LRMDA: variants seen among roughly 807,000 people sequenced by gnomAD.
The protein encoded by LRMDA is leucine rich melanocyte differentiation associated, also known as leucine-rich melanocyte differentiation-associated protein.
In LRMDA, 18 loss-of-function variants were observed where a neutral mutation model predicts 29.8. The observed-to-expected ratio is 0.60, with a 90% confidence interval of 0.42 to 0.90. LRMDA has a LOEUF of 0.90. Ranked by LOEUF, LRMDA falls within the 40% of genes least tolerant of loss-of-function variation. LRMDA has a pLI of 0.00. For synonymous variants in LRMDA, 125 were observed against 109.4 expected, an observed-to-expected ratio of 1.14 and a Z score of -0.89; for missense variants, 273 against 273.9, an observed-to-expected ratio of 1.00 and a Z score of 0.02.
chr10:76,217,062 T>G (rs1851741641), intron 5 of LRMDA, among the ~76,000 whole-genome samples: 1 of 152,188 alleles, frequency 6.6e-6, no homozygotes, highest in Admixed American at 6.5e-5. Context: ...AACAATTGCT[T>G]GTGAGGGGGC....
chr10:75,887,297 T>A (rs1845407260), intron 2 of LRMDA, among the ~76,000 whole-genome samples: 1 of 152,020 alleles, frequency 6.6e-6, no homozygotes, highest in South Asian at 2.1e-4. Context: ...AAGCTTTACA[T>A]AAAATTATGT....
In LRMDA at chr10:75,681,067, G is replaced by A. The variant is rs865897110; in HGVS notation, c.131+242573G>A. On this transcript the variant is annotated intron_variant, in intron 2 of 6. Coordinates refer to ENST00000611255, the MANE Select transcript of LRMDA (RefSeq NM_001305581.2). ...TATCATAGGCGGTGCTGCATGAAGG[G>A]AAAGGTATATTAACCTTTTGTTGAT... Among the ~76,000 whole-genome samples the A allele has an allele frequency of 2.1e-4, 32 of 152,256 alleles. 1 individual carries two copies. Among genetic ancestry groups the A allele is most frequent in the Middle Eastern group, 3.4e-3 (1 of 294 alleles).
At chr10:75,777,078 C>G (rs1237336728) in intron 2 of LRMDA, among the ~76,000 whole-genome samples, 1 of 152,164 alleles carries the variant, frequency 6.6e-6, no homozygotes, top group Non-Finnish European at 1.5e-5. Context: ...CGGGTTTACT[C>G]TGTTTGTAAG....
chr10:76,026,283 A>G (rs1040667877), intron 2 of LRMDA, among the ~76,000 whole-genome samples: 3 of 152,224 alleles, frequency 2.0e-5, no homozygotes, highest in African/African-American at 7.2e-5. Context: ...CCACAGCTAG[A>G]AAGTATGTAG....
intron 2 of LRMDA, among the ~76,000 whole-genome samples, chr10:75,721,349 G>A (rs1027432830): frequency 2.6e-5 from 4 of 152,204 alleles, no homozygotes; most frequent in African/African-American, 9.6e-5. Flanking sequence ...ATATGTATAC[G>A]TACATTATAA....
intron 2 of LRMDA, among the ~76,000 whole-genome samples, chr10:75,462,647 A>G (rs891961253): frequency 3.3e-5 from 5 of 152,250 alleles, no homozygotes; most frequent in African/African-American, 1.2e-4. Context: ...TTTAAAAATA[A>G]TATTTCCTGA....
At chr10:75,650,907 G>C (rs1001558964) in intron 2 of LRMDA, among the ~76,000 whole-genome samples, 1 of 152,140 alleles carries the variant, frequency 6.6e-6, no homozygotes, top group African/African-American at 2.4e-5. Context: ...ACTCTCATCA[G>C]CATTATAGAT....
chr10:76,205,060 C>T (rs1442857365), intron 5 of LRMDA, among the ~76,000 whole-genome samples: 1 of 152,110 alleles, frequency 6.6e-6, no homozygotes, highest in Non-Finnish European at 1.5e-5. Flanking sequence ...GACAGAGGCC[C>T]CTAGCAACCG....
At chr10:76,395,728 T>C (rs1841776214) in intron 6 of LRMDA, among the ~76,000 whole-genome samples, 1 of 152,250 alleles carries the variant, frequency 6.6e-6, no homozygotes, top group African/African-American at 2.4e-5. Flanking sequence ...AGAACTCTCT[T>C]TGTAGCTCTA....
rs978755707 is a variant in LRMDA at position 75,542,649 on chromosome 10, A to G, written c.131+104155A>G. On this transcript the variant is annotated intron_variant, in intron 2 of 6. Transcript: ENST00000611255. The stretch of plus-strand genomic sequence containing the variant: ...TATTGTGGAGCCAAAACATTTAGTG[A>G]AATAGTACAAGATTTTTGTTTCTAG... Among the ~76,000 whole-genome samples, 4 of 152,206 alleles carry G rather than the reference A, an allele frequency of 2.6e-5. No homozygotes were observed. The East Asian group carries it at 7.7e-4, about 29-fold the overall frequency.
chr10:75,924,064 A>AT (rs1206971709), intron 2 of LRMDA, among the ~76,000 whole-genome samples: 6 of 152,200 alleles, frequency 3.9e-5, no homozygotes, highest in African/African-American at 1.4e-4. Flanking sequence ...GCACGCTGAC[A>AT]TTTTCATATG....
intron 2 of LRMDA, among the ~76,000 whole-genome samples, chr10:75,980,037 A>T (rs1847138842): frequency 6.6e-6 from 1 of 152,012 alleles, no homozygotes. Context: ...TTCACAGCAA[A>T]AATTGAACAG....
At chr10:76,502,268 C>A (rs1479275616) in intron 6 of LRMDA, among the ~76,000 whole-genome samples, 2 of 151,632 alleles carry the variant, frequency 1.3e-5, no homozygotes, top group Non-Finnish European at 3.0e-5. Context: ...TGTGGCTTTA[C>A]AATATAGATT....
intron 5 of LRMDA, among the ~76,000 whole-genome samples, chr10:76,175,730 T>C (rs1408679017): frequency 6.6e-6 from 1 of 152,140 alleles, no homozygotes; most frequent in Non-Finnish European, 1.5e-5. Context: ...AGTGAAGCCT[T>C]GGCGGGCAAG....
chr10:76,058,772 G>A lies in LRMDA; in HGVS notation c.505G>A (p.Val169Met), dbSNP rs777509370. Residue 169 changes from valine to methionine, a missense_variant, in exon 5 of 7, where the codon GTG (valine) becomes ATG (methionine). Coordinates refer to ENST00000611255, the MANE Select transcript of LRMDA (RefSeq NM_001305581.2). Reference sequence around the variant, plus strand: ...GGTCAGAGGAGTCTTCATGAAGGTGGTGAAGCCCAAGGTGAGCTGCCTACT... The same window carrying A: ...GGTCAGAGGAGTCTTCATGAAGGTGATGAAGCCCAAGGTGAGCTGCCTACT... ...ALVRGVFMKV[V>M]KPKASSEDVA... is the part of the protein sequence containing the mutation. 5 of 1,613,066 alleles carry A rather than the reference G, an allele frequency of 3.1e-6. No individual in the cohort carries two copies. In the Middle Eastern group the frequency reaches 4.9e-4, roughly 159 times the overall value.
intron 2 of LRMDA, among the ~76,000 whole-genome samples, chr10:75,553,582 A>G (rs767838727): frequency 1.3e-5 from 2 of 152,040 alleles, no homozygotes; most frequent in Non-Finnish European, 2.9e-5. Flanking sequence ...TGGGTAGGAG[A>G]GCATTTTCTG....
chr10:75,779,981 G>T (rs1843361022), intron 2 of LRMDA, among the ~76,000 whole-genome samples: 1 of 152,184 alleles, frequency 6.6e-6, no homozygotes, highest in African/African-American at 2.4e-5. Flanking sequence ...CTTTGTAAGA[G>T]AAAGGAGGAG....
chr10:76,485,340 A>G (rs1188180886), intron 6 of LRMDA, among the ~76,000 whole-genome samples: 1 of 151,920 alleles, frequency 6.6e-6, no homozygotes, highest in Non-Finnish European at 1.5e-5. Flanking sequence ...AGTTTGTAAT[A>G]CACGTTTACA....
At chr10:75,447,006 A>C (rs1186769412) in intron 2 of LRMDA, among the ~76,000 whole-genome samples, 1 of 152,240 alleles carries the variant, frequency 6.6e-6, no homozygotes, top group Non-Finnish European at 1.5e-5. Context: ...ATATTGGGGT[A>C]GGGGAGGCAA....
Sources: gnomAD v4.1 joint callset for allele counts (sites outside exome capture counted in the v4.1 genomes callset) on GRCh38, gnomAD v4.1.1 for gene constraint, MANE v1.5 for transcripts, NCBI Gene and HGNC (gene_info 2026-07-23, HGNC 2026-07-21) for gene names.